Variants in TAFA2 observed in about 807,000 individuals in gnomAD.
TAFA2 encodes TAFA chemokine like family member 2.
A neutral mutation model predicts 18.8 loss-of-function variants in TAFA2; 7 were observed. The ratio of observed to expected loss-of-function variants is 0.37; its 90% confidence interval spans 0.21 to 0.70. The LOEUF (loss-of-function observed/expected upper bound fraction) is 0.70. TAFA2 is among the 30% of genes least tolerant of loss of function. The pLI, the probability that TAFA2 is intolerant of heterozygous loss-of-function variation, is 0.53. For synonymous variants in TAFA2, 60 were observed against 54.2 expected, an observed-to-expected ratio of 1.11 and a Z score of -0.47; for missense variants, 122 against 158.1, an observed-to-expected ratio of 0.77 and a Z score of 1.23.
intron 1 of TAFA2, chr12:62,198,529 T>C (rs1304593609): frequency 6.6e-6 from 1 of 152,182 alleles, no homozygotes; most frequent in Non-Finnish European, 1.5e-5. Flanking sequence ...AAATTAAAAC[T>C]TACGAGTCCC....
At chr12:62,134,345 A>G (rs1357423036) in intron 1 of TAFA2, among the ~76,000 whole-genome samples, 2 of 151,786 alleles carry the variant, frequency 1.3e-5, no homozygotes, top group African/African-American at 4.8e-5. Flanking sequence ...TGCCCTTATA[A>G]ACAGAGGAGG....
intron 2 of TAFA2, among the ~76,000 whole-genome samples, chr12:61,757,490 A>T (rs1166958808): frequency 2.6e-5 from 4 of 152,072 alleles, no homozygotes; most frequent in Non-Finnish European, 4.4e-5. Flanking sequence ...ATCAAGCAAC[A>T]ACATTTATAA....
At chr12:61,711,695 C>T (rs2120537893) in intron 4 of TAFA2, among the ~76,000 whole-genome samples, 1 of 151,932 alleles carries the variant, frequency 6.6e-6, no homozygotes, top group Non-Finnish European at 1.5e-5. Flanking sequence ...TGTTTTCATG[C>T]ATGGAGACAG....
intron 2 of TAFA2, among the ~76,000 whole-genome samples, chr12:61,842,452 A>G (rs1197633341): frequency 1.3e-5 from 2 of 152,036 alleles, no homozygotes; most frequent in Non-Finnish European, 2.9e-5. Context: ...GACATTTTCA[A>G]ATTCCAAGCA....
chr12:61,718,310 AAGC>A (rs1398230509), intron 4 of TAFA2, among the ~76,000 whole-genome samples: 1 of 152,234 alleles, frequency 6.6e-6, no homozygotes, highest in African/African-American at 2.4e-5. Flanking sequence ...ATCCACTCAG[AAGC>A]AGATCAGCCG....
At chr12:61,943,630 C>CA (rs931150181) in intron 1 of TAFA2, among the ~76,000 whole-genome samples, 1 of 151,134 alleles carries the variant, frequency 6.6e-6, no homozygotes, top group African/African-American at 2.4e-5. Flanking sequence ...CAATGGAAAA[C>CA]AAAAAAAGGC....
chr12:61,806,434 A>G (rs2120988953), intron 2 of TAFA2, among the ~76,000 whole-genome samples: 1 of 152,350 alleles, frequency 6.6e-6, no homozygotes, highest in Non-Finnish European at 1.5e-5. Context: ...CTGTAAGTCC[A>G]AGTCTTTCTT....
At chr12:61,947,297 G>A (rs1362031105) in intron 1 of TAFA2, among the ~76,000 whole-genome samples, 2 of 144,084 alleles carry the variant, frequency 1.4e-5, no homozygotes, top group South Asian at 2.4e-4. Context: ...TCACACTCTG[G>A]GGACTGTGGT....
In TAFA2 at chr12:62,217,005, G is replaced by C. The variant is rs375552034; in HGVS notation, c.-130+41758C>G. ...AGTCCAGTGATCTGGTACAAGCTGC[G>C]ACATCCTCTCTAAATGAAACAAATT... On this transcript the variant is annotated intron_variant, in intron 1 of 5. Coordinates refer to the TAFA2 transcript ENST00000551619. Among the ~76,000 whole-genome samples the C allele has an allele frequency of 3.3e-5, 5 of 152,276 alleles. No homozygotes were observed. In the East Asian group the frequency reaches 7.7e-4, roughly 23 times the overall value.
At chr12:61,887,534 C>T (rs1182066184) in intron 1 of TAFA2, among the ~76,000 whole-genome samples, 1 of 150,750 alleles carries the variant, frequency 6.6e-6, no homozygotes, top group Non-Finnish European at 1.5e-5. Flanking sequence ...GCTGCACCCA[C>T]TAACTCGTCA....
intron 1 of TAFA2, among the ~76,000 whole-genome samples, chr12:61,956,171 A>G (rs1310213787): frequency 6.6e-6 from 1 of 152,070 alleles, no homozygotes; most frequent in Non-Finnish European, 1.5e-5. Flanking sequence ...ACTCCATTTT[A>G]TTGCATTCTA....
intron 1 of TAFA2, among the ~76,000 whole-genome samples, chr12:62,081,732 G>T (rs146022387): frequency 6.6e-6 from 1 of 151,972 alleles, no homozygotes; most frequent in South Asian, 2.1e-4. Flanking sequence ...TGATCCGCCC[G>T]CCTCAGCCTC....
At chr12:62,254,380 T>A (rs1277290309) in intron 1 of TAFA2, among the ~76,000 whole-genome samples, 1 of 152,094 alleles carries the variant, frequency 6.6e-6, no homozygotes, top group Admixed American at 6.6e-5. Flanking sequence ...AGTATCGGAG[T>A]AGGGCATACA....
chr12:61,807,966 G>T (rs558877177), intron 2 of TAFA2, among the ~76,000 whole-genome samples: 1 of 151,544 alleles, frequency 6.6e-6, no homozygotes, highest in Non-Finnish European at 1.5e-5. Context: ...TGAGAACTTG[G>T]ACTATGGATA....
intron 2 of TAFA2, among the ~76,000 whole-genome samples, chr12:61,785,356 TGTGTTTGTG>T (rs1870690820): frequency 6.7e-6 from 1 of 148,870 alleles, no homozygotes; most frequent in African/African-American, 2.5e-5. Flanking sequence ...TGTGTGTGTG[TGTGTTTGTG>T]TGTGTGTGTC....
chr12:62,116,211 C>T (rs1237914857), intron 1 of TAFA2, among the ~76,000 whole-genome samples: 1 of 152,170 alleles, frequency 6.6e-6, no homozygotes, highest in African/African-American at 2.4e-5. Flanking sequence ...AGATAGCTAT[C>T]TTTCACAGCA....
At chr12:62,149,882 G>A (rs141450746) in intron 1 of TAFA2, among the ~76,000 whole-genome samples, 4 of 152,074 alleles carry the variant, frequency 2.6e-5, no homozygotes, top group African/African-American at 9.7e-5. Context: ...TGCCTTATTT[G>A]TGAAATTGCT....
chr12:62,160,426 G>A (rs2062399076), intron 1 of TAFA2, among the ~76,000 whole-genome samples: 1 of 152,156 alleles, frequency 6.6e-6, no homozygotes, highest in Non-Finnish European at 1.5e-5. Context: ...TCTATTAAAG[G>A]CCTTGGCCAG....
At chr12:61,716,828 T>TAA (rs1194573766) in intron 4 of TAFA2, among the ~76,000 whole-genome samples, 1 of 152,184 alleles carries the variant, frequency 6.6e-6, no homozygotes, top group African/African-American at 2.4e-5. Context: ...GAAAATGTGG[T>TAA]AATACTTCTA....
Sources: allele counts gnomAD v4.1 joint callset (sites outside exome capture counted in the v4.1 genomes callset), GRCh38; gene constraint gnomAD v4.1.1; transcripts MANE v1.5; gene names NCBI Gene and HGNC (gene_info 2026-07-23, HGNC 2026-07-21).